The following PPFIA3 variants were observed in gnomAD, a reference collection of about 807,000 sequenced individuals.
PPFIA3 encodes the protein liprin-alpha-3.
PPFIA3 carries 26 observed loss-of-function variants against 145.8 expected under a neutral mutation model. The ratio of observed to expected loss-of-function variants is 0.18; its 90% CI spans 0.13 to 0.25. PPFIA3 has a LOEUF of 0.25. Among genes scored for constraint, PPFIA3 ranks in the 10% least tolerant of loss-of-function variants. The pLI is 1.00. For synonymous variants in PPFIA3, 645 were observed against 661.4 expected, an observed-to-expected ratio of 0.98 and a Z score of 0.38; for missense variants, 1,008 against 1,587.8, an observed-to-expected ratio of 0.63 and a Z score of 6.21.
chr19:49,146,238 C>G (rs1485379547), intron 23 of PPFIA3, 46 bp downstream of exon 23: 12 of 1,603,712 alleles, frequency 7.5e-6, no homozygotes, highest in Admixed American at 1.7e-5. Context: ...AGGCTGTGCA[C>G]GACGCATGGA....
In PPFIA3 at chr19:49,149,757, C is replaced by T; in HGVS notation, c.3526+39C>T. 6.4e-7 allele frequency: 1 copy of T among 1,569,956 alleles called. No individual in the cohort carries two copies. The highest frequency in any genetic ancestry group is 8.6e-7 in the Non-Finnish European group (1 of 1,161,136). Reference sequence around the variant, plus strand: ...AAATGCGACAGCCCTTCCTCGCTTCCCTAGGGTGGGGCATGGACCACCTCA... The same window carrying T: ...AAATGCGACAGCCCTTCCTCGCTTCTCTAGGGTGGGGCATGGACCACCTCA... On this transcript the variant is annotated intron_variant, in intron 28 of 29. Coordinates refer to ENST00000334186, the MANE Select transcript of PPFIA3 (RefSeq NM_003660.4). This position sits in a 1 kb window ranked among gnomAD's most constrained non-coding sequence, Gnocchi z 5.7.
At chr19:49,127,834 G>A in intron 1 of PPFIA3, 25 bp from the exon 2 acceptor site, 1 of 1,587,396 alleles carries the variant, frequency 6.3e-7, no homozygotes, top group Non-Finnish European at 8.5e-7. Flanking sequence ...AGGCCGGTCT[G>A]TTCCTTGCCC....
intron 1 of PPFIA3, among the ~76,000 whole-genome samples, chr19:49,122,225 C>T (rs1294916223): frequency 1.3e-5 from 2 of 151,480 alleles, no homozygotes; most frequent in Non-Finnish European, 2.9e-5. Context: ...GGATTACAGG[C>T]GCCTACCACC....
chr19:49,133,388 G>C lies in PPFIA3; in HGVS notation c.1161+17G>C. 2 of 1,584,322 alleles carry C rather than the reference G, an allele frequency of 1.3e-6. No individual in the cohort carries two copies. The highest frequency in any genetic ancestry group is 1.7e-6 in the Non-Finnish European group (2 of 1,165,962). On this transcript the variant is annotated intron_variant, in intron 9 of 29. Coordinates refer to ENST00000334186, the MANE Select transcript of PPFIA3 (RefSeq NM_003660.4). The surrounding 1 kb of genome is among the most constrained non-coding windows in gnomAD (Gnocchi z 7.2). ...CTCAACAAGGTGCGGGGAGGACTCG[G>C]GTCGGGGCCTTGCGTGGGGAAGGGG...
intron 7 of PPFIA3, among the ~76,000 whole-genome samples, chr19:49,131,067 T>A (rs1461098879): frequency 6.9e-6 from 1 of 143,968 alleles, no homozygotes; most frequent in Admixed American, 7.2e-5. Flanking sequence ...AGAGATGGGG[T>A]TTCACTATGT....
At chr19:49,122,574 G>A (rs1465637786) in intron 1 of PPFIA3, among the ~76,000 whole-genome samples, 2 of 152,170 alleles carry the variant, frequency 1.3e-5, no homozygotes, top group Non-Finnish European at 2.9e-5. Context: ...CTTCTAAGAT[G>A]TGTGTGTTCC....
At position 49,130,483 on chromosome 19, in the gene PPFIA3, C is replaced by G. The variant is rs1258559203; in HGVS notation, c.763C>G (p.Arg255Gly). 1.2e-6 allele frequency: 2 copies of G among 1,604,014 alleles called. No individual in the cohort carries two copies. Among genetic ancestry groups the G allele is most frequent in the Non-Finnish European group, 8.5e-7 (1 of 1,176,118 alleles). Residue 255 changes from arginine to glycine, a missense_variant, in exon 7 of 30, where the codon CGC becomes GGC. By Grantham distance (125) the Arg-to-Gly change is moderately radical (BLOSUM62 -2). Around this residue, in one of 11 missense-constraint regions of PPFIA3, gnomAD observed 136 missense variants for 160.7 expected, o/e 0.85. Transcript: ENST00000334186. This position sits in a 1 kb window ranked among gnomAD's most constrained non-coding sequence, Gnocchi z 4.5. ...CGCCGAGGTGTGCCAGCTGCGGGAG[C>G]GCCTGGCGGTGCTGTGCCGTCAGAT... ...QRAEVCQLRE[R>G]LAVLCRQMSQ...
Position 49,150,163 on chromosome 19 carries a change from G to T in PPFIA3, c.*13+12G>T. ...GTGCAGGCCTCCAGGTGAGGACCGT[G>T]CTGGGCGACCTTGGGGGTGCGGGGC... On this transcript the variant is annotated intron_variant, in intron 29 of 29. Coordinates refer to ENST00000334186, the MANE Select transcript of PPFIA3 (RefSeq NM_003660.4). The T allele has an allele frequency of 6.2e-7, 1 of 1,601,166 alleles. No individual in the cohort carries two copies. Among genetic ancestry groups the T allele is most frequent in the Non-Finnish European group, 8.5e-7 (1 of 1,174,506 alleles).
rs2041038934 is a variant in PPFIA3, at chr19:49,129,152, G to T, written c.507+140G>T. On this transcript the variant is annotated intron_variant, in intron 4 of 29. Coordinates refer to ENST00000334186, the MANE Select transcript of PPFIA3 (RefSeq NM_003660.4). ...TGTTGACTGTGATTGATTGGGACAG[G>T]ATACATAGACTGGGACCTGACTGGT... 4 of 1,067,036 alleles carry T rather than the reference G, an allele frequency of 3.7e-6. No individual in the cohort carries two copies. In the East Asian group the frequency reaches 7.7e-5, roughly 21 times the overall value. 66.1% of individuals were successfully genotyped at this position (1,067,036 alleles called of 1,614,324 possible). A position where few individuals can be genotyped will look rare whatever the true frequency, so the allele number is the denominator to read the frequency against.
At chr19:49,148,307 C>T (rs1325466106) in intron 24 of PPFIA3, 49 bp downstream of exon 24, 1 of 1,566,844 alleles carries the variant, frequency 6.4e-7, no homozygotes, top group African/African-American at 1.4e-5. Flanking sequence ...AGCCCCACCC[C>T]AGAGAGTCTT....
rs2041324077 is a variant in PPFIA3, at chr19:49,149,784, T to C, written c.3526+66T>C. ...TAGGGTGGGGCATGGACCACCTCAG[T>C]AGTCCGGGTTCTGGAATGGCCTAGT... On this transcript the variant is annotated intron_variant, in intron 28 of 29. Coordinates refer to ENST00000334186, the MANE Select transcript of PPFIA3 (RefSeq NM_003660.4). This position sits in a 1 kb window ranked among gnomAD's most constrained non-coding sequence, Gnocchi z 5.7. 6.6e-7 allele frequency: 1 copy of C among 1,520,790 alleles called. No homozygotes were observed. The highest frequency in any genetic ancestry group is 1.4e-5 in the African/African-American group (1 of 72,316). 94.2% of individuals were successfully genotyped at this position (1,520,790 alleles called of 1,614,324 possible). A position where few individuals can be genotyped will look rare whatever the true frequency, so the allele number is the denominator to read the frequency against.
chr19:49,124,722 G>C (rs3764623), intron 1 of PPFIA3, among the ~76,000 whole-genome samples: 100,752 of 151,960 alleles, frequency 0.66, 35,380 homozygotes, highest in African/African-American at 0.89. Context: ...TCTGGAACAG[G>C]CTCCCCAAAA....
chr19:49,149,372 G>T lies in PPFIA3; in HGVS notation c.3354+47G>T. 1 of 1,608,412 alleles carries T rather than the reference G, an allele frequency of 6.2e-7. No homozygotes were observed. ...AGGGCTCTGCTCCCAGCGGCTCCTC[G>T]AGAGGCTGAGCTGAGGGGGCGGGGC... On this transcript the variant is annotated intron_variant, in intron 27 of 29. Coordinates refer to ENST00000334186, the MANE Select transcript of PPFIA3 (RefSeq NM_003660.4). The surrounding 1 kb of genome is among the most constrained non-coding windows in gnomAD (Gnocchi z 5.7).
At position 49,146,016 on chromosome 19, in the gene PPFIA3, C is replaced by T. The variant is rs1291573369; in HGVS notation, c.2808+11C>T. ...GCCACGACCAAGCCCGTGAGTGCCCCCTGCCGGCCGCCTTGGGGGTGGCAC... is the reference window on the plus strand; with the variant it reads ...GCCACGACCAAGCCCGTGAGTGCCCTCTGCCGGCCGCCTTGGGGGTGGCAC... On this transcript the variant is annotated intron_variant, in intron 22 of 29. Coordinates refer to ENST00000334186, the MANE Select transcript of PPFIA3 (RefSeq NM_003660.4). 10 of 1,613,864 alleles carry T rather than the reference C, an allele frequency of 6.2e-6. No individual in the cohort carries two copies. The highest frequency in any genetic ancestry group is 6.8e-6 in the Non-Finnish European group (8 of 1,179,802).
chr19:49,127,494 G>A (rs894701607), intron 1 of PPFIA3, among the ~76,000 whole-genome samples: 1 of 151,850 alleles, frequency 6.6e-6, no homozygotes, highest in African/African-American at 2.4e-5. Context: ...AGCTACTCAG[G>A]AGGCTGAGTT....
intron 5 of PPFIA3, among the ~76,000 whole-genome samples, chr19:49,129,783 G>T (rs534458329): frequency 6.6e-6 from 1 of 152,188 alleles, no homozygotes; most frequent in Non-Finnish European, 1.5e-5. Context: ...AAGGGGAAGA[G>T]TAAGGGTAGA....
In PPFIA3 at chr19:49,140,639, C is replaced by CTTTTTTTTTTT. The variant is rs4002348; in HGVS notation, c.2368+569_2368+579dup. On this transcript the variant is annotated intron_variant, in intron 18 of 29. Transcript: ENST00000334186. ...GTGCTGGGATTACAGACTCATTTACCTTTTTTTTTTTTTTTTTTTTTTTTT... is the reference window on the plus strand; with the variant it reads ...GTGCTGGGATTACAGACTCATTTACCTTTTTTTTTTTTTTTTTTTTTTTTTTTTTTTTTTTT... Among the ~76,000 whole-genome samples, 363 of 63,834 alleles carry CTTTTTTTTTTT rather than the reference C, an allele frequency of 5.7e-3. 34 individuals carry two copies. The highest frequency in any genetic ancestry group is 0.028 in the African/African-American group (355 of 12,756). 41.9% of individuals were successfully genotyped at this position (63,834 alleles called of 152,430 possible). A position where few individuals can be genotyped will look rare whatever the true frequency, so the allele number is the denominator to read the frequency against.
Position 49,140,047 on chromosome 19 carries a change from A to C in PPFIA3, c.2327A>C (p.Lys776Thr). 1 of 1,614,148 alleles carries C rather than the reference A, an allele frequency of 6.2e-7. No homozygotes were observed. Among genetic ancestry groups the C allele is most frequent in the Non-Finnish European group, 8.5e-7 (1 of 1,180,022 alleles). ...SIGRLFGKKE[K>T]GRMGPPGRDS... is the part of the protein sequence containing the mutation. ...GGCCGTCTCTTTGGCAAGAAAGAGA[A>C]GGGACGAATGGGACCCCCAGGCCGG... The change falls in exon 18 of 30, where the codon AAG becomes ACG. Residue 776 changes from lysine (K) to threonine (T), a missense_variant. Lys to Thr is a moderately conservative substitution (Grantham distance 78, BLOSUM62 -1). This residue lies in a region of PPFIA3 where 202 missense variants were observed against 241.8 expected (regional missense o/e 0.84). Coordinates refer to ENST00000334186, the MANE Select transcript of PPFIA3 (RefSeq NM_003660.4).
intron 15 of PPFIA3, 133 bp from the exon 16 acceptor site, chr19:49,138,072 C>T: frequency 1.5e-6 from 2 of 1,369,654 alleles, no homozygotes; most frequent in Non-Finnish European, 9.5e-7. Flanking sequence ...CCACCAAAGT[C>T]CTCTGACGTC....
Sources: allele counts gnomAD v4.1 joint callset (sites outside exome capture counted in the v4.1 genomes callset), GRCh38; gene constraint gnomAD v4.1.1; regional missense constraint gnomAD v4.1.1; non-coding constraint Gnocchi (gnomAD v3.1); transcripts MANE v1.5; gene names NCBI Gene and HGNC (gene_info 2026-07-23, HGNC 2026-07-21).